Variants in BTRC observed in about 807,000 individuals in gnomAD.
BTRC encodes F-box/WD repeat-containing protein 1A.
In BTRC, 42 loss-of-function variants were observed where a neutral mutation model predicts 85.5. The observed-to-expected ratio is 0.49, with a 90% CI of 0.38 to 0.64. The LOEUF (loss-of-function observed/expected upper bound fraction) is 0.64, where lower values mean the gene tolerates loss of function less well. BTRC is among the 30% of genes least tolerant of loss of function. BTRC has a pLI of 0.00. For missense variants in BTRC, 594 were observed against 743.5 expected (o/e 0.80, Z 2.34); for synonymous variants, 255 against 263.3 (o/e 0.97, Z 0.30).
intron 4 of BTRC, among the ~76,000 whole-genome samples, chr10:101,510,035 A>G (rs557218366): frequency 1.2e-4 from 19 of 152,074 alleles, no homozygotes; most frequent in Non-Finnish European, 2.2e-4. Context: ...GCGTGGTGTT[A>G]CATGTCTGTA....
chr10:101,488,788 T>C (rs1478204032), intron 4 of BTRC, among the ~76,000 whole-genome samples: 1 of 152,168 alleles, frequency 6.6e-6, no homozygotes, highest in African/African-American at 2.4e-5. Context: ...GAAGTACTAA[T>C]ATGCAAAAGC....
At chr10:101,446,595 T>C (rs1390500920) in intron 2 of BTRC, among the ~76,000 whole-genome samples, 1 of 152,214 alleles carries the variant, frequency 6.6e-6, no homozygotes, top group Non-Finnish European at 1.5e-5. Flanking sequence ...ATGCTGTGTA[T>C]ATTTCATTTT....
intron 3 of BTRC, among the ~76,000 whole-genome samples, chr10:101,474,030 A>G (rs932117286): frequency 6.6e-6 from 1 of 152,064 alleles, no homozygotes; most frequent in Non-Finnish European, 1.5e-5. Context: ...GCTATGTTCA[A>G]GTTTGAACAT....
chr10:101,435,082 G>C (rs1472778429), intron 2 of BTRC, among the ~76,000 whole-genome samples: 1 of 152,030 alleles, frequency 6.6e-6, no homozygotes, highest in African/African-American at 2.4e-5. Context: ...AACTGGATTT[G>C]AATCTAGTAT....
rs1564729546 is a variant in BTRC, at chr10:101,366,778, A to ATTTTTTTTTATATT, written c.48+12551_48+12552insTTTTTTTTATATTT. On this transcript the variant is annotated intron_variant, in intron 1 of 14. Coordinates refer to ENST00000370187, the MANE Select transcript of BTRC (RefSeq NM_033637.4). ...GGACTTAATCTAGTTATATATATAT[A>ATTTTTTTTTATATT]TATATATATATTTTTACATTTATAT... Among the ~76,000 whole-genome samples the ATTTTTTTTTATATT allele has an allele frequency of 6.7e-3, 724 of 108,090 alleles. 23 individuals are homozygous for ATTTTTTTTTATATT. Among genetic ancestry groups the ATTTTTTTTTATATT allele is most frequent in the Middle Eastern group, 0.027 (7 of 256 alleles). 70.9% of individuals were successfully genotyped at this position (108,090 alleles called of 152,430 possible).
chr10:101,508,768 G>T (rs954772263), intron 4 of BTRC, among the ~76,000 whole-genome samples: 2 of 152,006 alleles, frequency 1.3e-5, no homozygotes, highest in African/African-American at 2.4e-5. Flanking sequence ...CAAAAAAATA[G>T]CCAGGTGTGG....
chr10:101,483,377 G>C (rs1289516339), intron 4 of BTRC, among the ~76,000 whole-genome samples: 3 of 152,150 alleles, frequency 2.0e-5, no homozygotes, highest in Non-Finnish European at 4.4e-5. Context: ...GGTGGATCAC[G>C]AGGTCAGGAG....
chr10:101,462,414 T>C (rs1455487355), intron 3 of BTRC, among the ~76,000 whole-genome samples: 1 of 152,176 alleles, frequency 6.6e-6, no homozygotes, highest in Non-Finnish European at 1.5e-5. Context: ...GCAAGGTGGC[T>C]AACGCCTATA....
chr10:101,476,778 A>G (rs984192872), intron 3 of BTRC, among the ~76,000 whole-genome samples: 1 of 152,062 alleles, frequency 6.6e-6, no homozygotes, highest in African/African-American at 2.4e-5. Flanking sequence ...TAAATCTAAA[A>G]TTATCTCAAA....
intron 4 of BTRC, among the ~76,000 whole-genome samples, chr10:101,511,577 G>A (rs893521989): frequency 6.6e-6 from 1 of 151,686 alleles, no homozygotes; most frequent in African/African-American, 2.4e-5. Flanking sequence ...TTTGTTTTGC[G>A]ACAGAGTCTC....
intron 1 of BTRC, among the ~76,000 whole-genome samples, chr10:101,380,475 GT>G (rs1239665126): frequency 6.6e-6 from 1 of 152,030 alleles, no homozygotes; most frequent in Non-Finnish European, 1.5e-5. Flanking sequence ...CACTTGGAGG[GT>G]TGCACAGCAG....
intron 1 of BTRC, among the ~76,000 whole-genome samples, chr10:101,373,368 G>A (rs1294335703): frequency 6.6e-6 from 1 of 152,134 alleles, no homozygotes; most frequent in Non-Finnish European, 1.5e-5. Context: ...GCTTGAGCTA[G>A]GGCAGTAGGT....
At chr10:101,497,789 A>G (rs781308933) in intron 4 of BTRC, among the ~76,000 whole-genome samples, 33 of 152,124 alleles carry the variant, frequency 2.2e-4, no homozygotes, top group Non-Finnish European at 4.0e-4. Context: ...TGGGAGGCCA[A>G]CGCGGGCATG....
At chr10:101,443,812 G>C (rs1283262105) in intron 2 of BTRC, among the ~76,000 whole-genome samples, 10 of 152,124 alleles carry the variant, frequency 6.6e-5, no homozygotes, top group Admixed American at 6.5e-4. Context: ...ACATCAAGTA[G>C]ATGTAAGGCT....
chr10:101,392,189 A>G (rs1302949435), intron 1 of BTRC, among the ~76,000 whole-genome samples: 1 of 152,198 alleles, frequency 6.6e-6, no homozygotes, highest in Non-Finnish European at 1.5e-5. Flanking sequence ...CATGTTGGTC[A>G]GGGTGGTCTC....
rs148145149 is a variant in BTRC, at chr10:101,517,020, C to T, written c.325-4619C>T. On this transcript the variant is annotated intron_variant, in intron 4 of 14. Coordinates refer to ENST00000370187, the MANE Select transcript of BTRC (RefSeq NM_033637.4). ...GCATTTAGTCAAGCTTATAAGCCTGCCTGTGTGTTAGTTCTCTAAATCTTC... is the reference window on the plus strand; with the variant it reads ...GCATTTAGTCAAGCTTATAAGCCTGTCTGTGTGTTAGTTCTCTAAATCTTC... 5.8e-3 allele frequency among the ~76,000 whole-genome samples: 886 copies of T among 152,250 alleles called. 11 individuals carry two copies. The highest frequency in any genetic ancestry group is 5.6e-3 in the Non-Finnish European group (384 of 68,022).
At position 101,505,215 on chromosome 10, in the gene BTRC, G is replaced by A. The variant is rs1164047924; in HGVS notation, c.325-16424G>A. Among the ~76,000 whole-genome samples the A allele has an allele frequency of 2.1e-4, 24 of 111,802 alleles. No individual in the cohort carries two copies. In the East Asian group the frequency reaches 7.6e-3, roughly 35 times the overall value. 73.3% of individuals were successfully genotyped at this position (111,802 alleles called of 152,430 possible). A position where few individuals can be genotyped will look rare whatever the true frequency, so the allele number is the denominator to read the frequency against. The stretch of plus-strand genomic sequence containing the variant: ...CACGAGGTTTCACCATGTTGGCCAG[G>A]CTGGTCTAAGACTCTTGACCTTAAG... On this transcript the variant is annotated intron_variant, in intron 4 of 14. Coordinates refer to ENST00000370187, the MANE Select transcript of BTRC (RefSeq NM_033637.4).
chr10:101,385,946 GCTT>G (rs906316428), intron 1 of BTRC, among the ~76,000 whole-genome samples: 3 of 151,918 alleles, frequency 2.0e-5, no homozygotes, highest in Non-Finnish European at 4.4e-5. Flanking sequence ...TAAAACTTGA[GCTT>G]CATCATAAAG....
At chr10:101,454,605 C>A (rs1475415377) in intron 2 of BTRC, among the ~76,000 whole-genome samples, 1 of 151,918 alleles carries the variant, frequency 6.6e-6, no homozygotes, top group Non-Finnish European at 1.5e-5. Context: ...ATAGTGAGAA[C>A]CCCTGTATCT....
Sources: allele counts gnomAD v4.1 joint callset (sites outside exome capture counted in the v4.1 genomes callset), GRCh38; gene constraint gnomAD v4.1.1; transcripts MANE v1.5; gene names NCBI Gene and HGNC (gene_info 2026-07-23, HGNC 2026-07-21).